The following DGKG variants were observed in gnomAD, a reference collection of about 807,000 sequenced individuals.
DGKG encodes diacylglycerol kinase gamma, also known as DAG kinase gamma.
DGKG carries 78 observed loss-of-function variants against 105.3 expected under a neutral mutation model. That is an observed-to-expected ratio of 0.74 (90% CI 0.62 to 0.89). The LOEUF (loss-of-function observed/expected upper bound fraction) is 0.89. DGKG is among the 40% of genes least tolerant of loss of function. The pLI is 0.00. For synonymous variants in DGKG, 346 were observed against 367.1 expected, an observed-to-expected ratio of 0.94 and a Z score of 0.66; for missense variants, 958 against 1,020.1, an observed-to-expected ratio of 0.94 and a Z score of 0.83.
intron 5 of DGKG, among the ~76,000 whole-genome samples, chr3:186,291,332 T>C (rs1723302373): frequency 6.6e-6 from 1 of 151,422 alleles, no homozygotes. Context: ...GAGGCAAACG[T>C]TCTTAATATT....
chr3:186,221,863 G>A (rs1050989035), intron 20 of DGKG, among the ~76,000 whole-genome samples: 1 of 152,188 alleles, frequency 6.6e-6, no homozygotes, highest in Non-Finnish European at 1.5e-5. Flanking sequence ...TCACACTACC[G>A]TGACCGCCGG....
At chr3:186,192,829 T>G (rs1484972251) in intron 21 of DGKG, among the ~76,000 whole-genome samples, 1 of 152,244 alleles carries the variant, frequency 6.6e-6, no homozygotes, top group Non-Finnish European at 1.5e-5. Context: ...TGTTGGATAT[T>G]AATATTATTA....
intron 21 of DGKG, among the ~76,000 whole-genome samples, chr3:186,208,402 C>G (rs1718856056): frequency 6.7e-6 from 1 of 149,178 alleles, no homozygotes; most frequent in South Asian, 2.1e-4. Context: ...TTAAGTTTCA[C>G]CATCCAACTT....
At chr3:186,165,956 C>T (rs756250269) in intron 22 of DGKG, among the ~76,000 whole-genome samples, 9 of 152,226 alleles carry the variant, frequency 5.9e-5, no homozygotes, top group Non-Finnish European at 1.0e-4. Flanking sequence ...TGTGGCTAAT[C>T]ACTAACATCC....
At chr3:186,305,584 G>A (rs1357472542) in intron 3 of DGKG, among the ~76,000 whole-genome samples, 1 of 152,154 alleles carries the variant, frequency 6.6e-6, no homozygotes, top group Non-Finnish European at 1.5e-5. Context: ...AGTTTTAACG[G>A]ATTGCTCAGG....
At chr3:186,297,258 C>T (rs1405324801) in intron 5 of DGKG, among the ~76,000 whole-genome samples, 163 bp downstream of exon 5, 7 of 152,154 alleles carry the variant, frequency 4.6e-5, no homozygotes, top group Non-Finnish European at 1.0e-4. Context: ...ATTCAAATGA[C>T]AGGAGCCCCA....
At chr3:186,283,788 A>G (rs958992354) in intron 7 of DGKG, among the ~76,000 whole-genome samples, 1 of 152,204 alleles carries the variant, frequency 6.6e-6, no homozygotes, top group Non-Finnish European at 1.5e-5. Context: ...AACCCGCAGC[A>G]TTGCAATGTA....
intron 12 of DGKG, among the ~76,000 whole-genome samples, chr3:186,268,089 G>A (rs1722142376): frequency 6.6e-6 from 1 of 152,182 alleles, no homozygotes. Flanking sequence ...TTAGATATGT[G>A]CTCTCCAGGC....
rs1040367464 is a variant in DGKG at position 186,149,938 on chromosome 3, C to A, written c.*152G>T. 1 of 1,424,900 alleles carries A rather than the reference C, an allele frequency of 7.0e-7. No homozygotes were observed. Among genetic ancestry groups the A allele is most frequent in the African/African-American group, 1.5e-5 (1 of 68,878 alleles). 88.3% of individuals were successfully genotyped at this position (1,424,900 alleles called of 1,614,324 possible). A position where few individuals can be genotyped will look rare whatever the true frequency, so the allele number is the denominator to read the frequency against. ...AGAATGTATGGCAAGGTGACGTTTT[C>A]TTCCCGAAGGGTGGCTTTGCTTCCA... On this transcript the variant is annotated 3_prime_UTR_variant, in exon 25 of 25. Transcript: ENST00000265022.
chr3:186,176,754 G>A lies in DGKG; in HGVS notation c.2095+11448C>T, dbSNP rs1439611431. ...AGACGATGAATGTAAAATATTTCTG[G>A]CATCTAGTGCTAGATCCAAGTAAGT... On this transcript the variant is annotated intron_variant, in intron 22 of 24. Coordinates refer to ENST00000265022, the MANE Select transcript of DGKG (RefSeq NM_001346.3). Among the ~76,000 whole-genome samples the A allele has an allele frequency of 3.3e-5, 5 of 152,230 alleles. No individual in the cohort carries two copies. The East Asian group carries it at 9.6e-4, about 29-fold the overall frequency.
chr3:186,205,435 C>T (rs573667041), intron 21 of DGKG, among the ~76,000 whole-genome samples: 27 of 151,194 alleles, frequency 1.8e-4, no homozygotes, highest in Non-Finnish European at 2.5e-4. Context: ...AGGCGCCAGG[C>T]GCGGTGGCTC....
At chr3:186,309,921 A>G (rs1159691100) in intron 2 of DGKG, among the ~76,000 whole-genome samples, 1 of 152,130 alleles carries the variant, frequency 6.6e-6, no homozygotes, top group Non-Finnish European at 1.5e-5. Flanking sequence ...TAAGAAAAAA[A>G]TAGAAAAGAC....
chr3:186,341,332 G>T (rs1726075873), intron 1 of DGKG, among the ~76,000 whole-genome samples: 1 of 152,200 alleles, frequency 6.6e-6, no homozygotes, highest in African/African-American at 2.4e-5. Context: ...TTAGTACAGG[G>T]TGATGAGTAA....
intron 22 of DGKG, among the ~76,000 whole-genome samples, chr3:186,173,646 C>T (rs182729898): frequency 1.1e-4 from 17 of 152,366 alleles, no homozygotes; most frequent in Non-Finnish European, 1.9e-4. Flanking sequence ...CACTGCTCAG[C>T]TCCTCTGAGC....
chr3:186,158,140 A>G, intron 24 of DGKG: 1 of 669,572 alleles, frequency 1.5e-6, no homozygotes, highest in Non-Finnish European at 1.8e-6. Flanking sequence ...ATATTTTAAG[A>G]ACTAGTTCTA....
intron 21 of DGKG, among the ~76,000 whole-genome samples, chr3:186,204,632 C>T (rs1718632240): frequency 6.6e-6 from 1 of 151,824 alleles, no homozygotes. Flanking sequence ...AAAATTTAAC[C>T]ATTTTAAAGT....
At chr3:186,222,475 C>G (rs1719632817) in intron 20 of DGKG, among the ~76,000 whole-genome samples, 1 of 152,244 alleles carries the variant, frequency 6.6e-6, no homozygotes, top group South Asian at 2.1e-4. Context: ...TTTAGTCTGT[C>G]TCTTAGTTTC....
intron 1 of DGKG, among the ~76,000 whole-genome samples, chr3:186,328,481 T>C (rs1247313065): frequency 6.6e-6 from 1 of 152,188 alleles, no homozygotes; most frequent in African/African-American, 2.4e-5. Context: ...GTGGTATACA[T>C]TGCTATAACT....
chr3:186,345,758 T>C (rs1726297941), intron 1 of DGKG, among the ~76,000 whole-genome samples: 1 of 152,184 alleles, frequency 6.6e-6, no homozygotes. Flanking sequence ...TATTTTACTT[T>C]TGCATATAGT....
Sources: allele counts gnomAD v4.1 joint callset (sites outside exome capture counted in the v4.1 genomes callset), GRCh38; gene constraint gnomAD v4.1.1; transcripts MANE v1.5; gene names NCBI Gene and HGNC (gene_info 2026-07-23, HGNC 2026-07-21).